FLNB: variants seen among roughly 807,000 people sequenced by gnomAD.
FLNB encodes the protein filamin B.
In FLNB, 111 loss-of-function variants were observed where a neutral mutation model predicts 250.6. The ratio of observed to expected loss-of-function variants is 0.44; its 90% confidence interval spans 0.38 to 0.52. The LOEUF (loss-of-function observed/expected upper bound fraction) is 0.52. FLNB is among the 20% of genes least tolerant of loss of function. The pLI is 0.00. For missense variants in FLNB, 2,869 were observed against 3,447.8 expected (o/e 0.83, Z 4.20); for synonymous variants, 1,302 against 1,372.1 (o/e 0.95, Z 1.13).
intron 2 of FLNB, chr3:58,078,122 A>G: frequency 3.9e-6 from 1 of 254,592 alleles, no homozygotes; most frequent in Non-Finnish European, 6.2e-6. Flanking sequence ...TTCTTACTTG[A>G]GAGCCTATAA....
At chr3:58,150,326 G>C (rs1268790446) in intron 38 of FLNB, 99 bp downstream of exon 38, 3 of 1,386,996 alleles carry the variant, frequency 2.2e-6, no homozygotes, top group African/African-American at 2.8e-5. Context: ...CCAGAACACA[G>C]TATCCAAGTC....
At chr3:58,147,766 T>C (rs1289868176) in intron 34 of FLNB, among the ~76,000 whole-genome samples, 1 of 152,222 alleles carries the variant, frequency 6.6e-6, no homozygotes. Flanking sequence ...GTTCAAGCGA[T>C]TCTCCTGCCT....
chr3:58,040,332 G>A (rs1377669948), intron 1 of FLNB, among the ~76,000 whole-genome samples: 3 of 152,136 alleles, frequency 2.0e-5, no homozygotes, highest in African/African-American at 7.2e-5. Context: ...TACCCTCATG[G>A]AGCTGGCCTC....
chr3:58,109,868 T>G (rs1311961910), intron 15 of FLNB, 142 bp from the exon 16 acceptor site: 5 of 1,402,770 alleles, frequency 3.6e-6, no homozygotes, highest in Non-Finnish European at 5.0e-6. Context: ...CCATCATCCC[T>G]TTCCCCAAAT....
chr3:58,121,392 G>A lies in FLNB; in HGVS notation c.3015G>A (p.Lys1005=), dbSNP rs1350923531. 1 of 1,614,156 alleles carries A rather than the reference G, an allele frequency of 6.2e-7. No homozygotes were observed. The highest frequency in any genetic ancestry group is 1.3e-5 in the African/African-American group (1 of 75,040). The change falls in exon 20 of 46, where the codon AAG becomes AAA. Residue 1005 remains lysine (K), a synonymous_variant. Transcript: ENST00000295956. ...PVTGRENSTA[K]FIPREEGLYA... ...CAGGCCGGGAGAACAGCACGGCCAA[G>A]TTCATCCCTCGGGAGGAGGGGCTGT...
chr3:58,150,188 A>G lies in FLNB; in HGVS notation c.6328A>G (p.Thr2110Ala). 2.5e-6 allele frequency: 4 copies of G among 1,614,240 alleles called. No homozygotes were observed. The highest frequency in any genetic ancestry group is 3.4e-6 in the Non-Finnish European group (4 of 1,180,044). ...TRTSRAPSVA[T>A]VGSICDLNLK... ...CACCAGTCGGGCCCCGTCCGTGGCC[A>G]CTGTCGGGAGCATTTGTGACCTGAA... The change falls in exon 38 of 46, where the codon ACT becomes GCT. Residue 2110 changes from threonine (T) to alanine (A), a missense_variant. By Grantham distance (58) the Thr-to-Ala change is moderately conservative. This residue lies in a region of FLNB where 1,084 missense variants were observed against 1,315.5 expected (regional missense o/e 0.82). Transcript: ENST00000295956.
At chr3:58,126,334 C>T (rs568905593) in intron 23 of FLNB, among the ~76,000 whole-genome samples, 8 of 152,040 alleles carry the variant, frequency 5.3e-5, no homozygotes, top group Non-Finnish European at 1.2e-4. Flanking sequence ...GAGCCGAGAC[C>T]GCGCCACTGC....
intron 38 of FLNB, chr3:58,152,762 T>C: frequency 7.5e-7 from 1 of 1,338,898 alleles, no homozygotes; most frequent in Non-Finnish European, 9.9e-7. Context: ...AGGGTGCAGT[T>C]TCATACTGGC....
At chr3:58,123,920 G>T (rs923303120) in intron 21 of FLNB, among the ~76,000 whole-genome samples, 13 of 152,108 alleles carry the variant, frequency 8.5e-5, no homozygotes, top group African/African-American at 3.1e-4. Flanking sequence ...GTTTCTCCAT[G>T]GGGAACAGGA....
rs75981869 is a variant in FLNB at position 58,157,252 on chromosome 3, C to T, written c.6888+1177C>T. Among the ~76,000 whole-genome samples the T allele has an allele frequency of 3.9e-5, 6 of 152,282 alleles. No homozygotes were observed. In the East Asian group the frequency reaches 7.7e-4, roughly 20 times the overall value. On this transcript the variant is annotated intron_variant, in intron 41 of 45. Coordinates refer to ENST00000295956, the MANE Select transcript of FLNB (RefSeq NM_001457.4). ...TAGCAATTAAGTTGTGAAATAACAT[C>T]GAAATCCCAAAGTATGATTTCTGGG...
chr3:58,100,496 C>T (rs1301174119), intron 8 of FLNB, among the ~76,000 whole-genome samples: 2 of 150,396 alleles, frequency 1.3e-5, no homozygotes, highest in Non-Finnish European at 3.0e-5. Flanking sequence ...CTCAAATGAT[C>T]CTCCCACTTC....
intron 38 of FLNB, chr3:58,150,605 A>G (rs1431928727): frequency 2.2e-5 from 7 of 323,238 alleles, no homozygotes; most frequent in African/African-American, 1.5e-4. Context: ...GCCCAGCGGC[A>G]TCCTTCTAGT....
chr3:58,022,093 C>T (rs570381014), intron 1 of FLNB, among the ~76,000 whole-genome samples: 4 of 152,240 alleles, frequency 2.6e-5, no homozygotes, highest in Admixed American at 6.5e-5. Flanking sequence ...CTTACTGAGC[C>T]GTATTGGTGT....
At chr3:58,147,886 C>G (rs1175177085) in intron 34 of FLNB, among the ~76,000 whole-genome samples, 1 of 152,192 alleles carries the variant, frequency 6.6e-6, no homozygotes, top group Non-Finnish European at 1.5e-5. Flanking sequence ...TCTTGAACTC[C>G]TGACCTCAAG....
intron 18 of FLNB, among the ~76,000 whole-genome samples, chr3:58,118,453 G>A (rs1182562092): frequency 6.6e-6 from 1 of 152,150 alleles, no homozygotes; most frequent in East Asian, 1.9e-4. Context: ...TGGGGGCCAT[G>A]GGTATGAGGC....
At chr3:58,099,040 C>G in intron 8 of FLNB, 132 bp downstream of exon 8, 1 of 774,898 alleles carries the variant, frequency 1.3e-6, no homozygotes, top group South Asian at 1.4e-5. Flanking sequence ...AGGGCTACTT[C>G]AGCAGTAAGT....
At chr3:58,091,597 T>A (rs1269170568) in intron 4 of FLNB, among the ~76,000 whole-genome samples, 1 of 151,656 alleles carries the variant, frequency 6.6e-6, no homozygotes, top group Non-Finnish European at 1.5e-5. Flanking sequence ...AGGCAAATAG[T>A]TCTCAGATTT....
intron 1 of FLNB, among the ~76,000 whole-genome samples, chr3:58,068,054 G>A (rs1190024089): frequency 3.9e-5 from 6 of 152,226 alleles, no homozygotes; most frequent in Non-Finnish European, 5.9e-5. Context: ...TGGGCTCCTG[G>A]CTGGCAATCG....
At position 58,098,821 on chromosome 3, in the gene FLNB, C is replaced by A; in HGVS notation, c.1258C>A (p.Pro420Thr). ...CCAGGTGTATCGATGTGTGTACAAA[C>A]CCATGCAGCCTGGCCCTCACGTGGT... Reference protein sequence around the residue: ...GNQVYRCVYKPMQPGPHVVKI... With the variant: ...GNQVYRCVYKTMQPGPHVVKI... Residue 420 changes from proline to threonine, a missense_variant, in exon 8 of 46, where the codon CCC becomes ACC. Transcript: ENST00000295956. The A allele has an allele frequency of 6.2e-7, 1 of 1,614,146 alleles. No individual in the cohort carries two copies.
Sources: allele counts gnomAD v4.1 joint callset (sites outside exome capture counted in the v4.1 genomes callset), GRCh38; gene constraint gnomAD v4.1.1; regional missense constraint gnomAD v4.1.1; transcripts MANE v1.5; gene names NCBI Gene and HGNC (gene_info 2026-07-23, HGNC 2026-07-21).